Variants in PTPRN2 observed in about 807,000 individuals in gnomAD.
PTPRN2 encodes the protein protein tyrosine phosphatase receptor type N2.
In PTPRN2, 74 loss-of-function variants were observed where a neutral mutation model predicts 118.8. The observed-to-expected ratio is 0.62, with a 90% CI of 0.52 to 0.76. PTPRN2 has a LOEUF of 0.76. Among genes scored for constraint, PTPRN2 ranks in the 30% least tolerant of loss-of-function variants. The pLI, the probability that PTPRN2 is intolerant of heterozygous loss-of-function variation, is 0.00. For synonymous variants in PTPRN2, 641 were observed against 608.0 expected (o/e 1.05, Z -0.80); for missense variants, 1,481 against 1,394.4 (o/e 1.06, Z -0.99).
intron 2 of PTPRN2, among the ~76,000 whole-genome samples, chr7:158,390,749 C>T (rs1465107634): frequency 1.3e-5 from 2 of 152,262 alleles, no homozygotes; most frequent in East Asian, 1.9e-4. Flanking sequence ...CGATGTCTCC[C>T]AAGCCTTCTC....
intron 5 of PTPRN2, among the ~76,000 whole-genome samples, chr7:158,183,386 G>A (rs1248394340): frequency 6.6e-6 from 1 of 152,178 alleles, no homozygotes; most frequent in Admixed American, 6.5e-5. Context: ...GCAAAGCCAG[G>A]CTCCCAGATC....
chr7:157,776,467 C>A (rs1585435090), intron 12 of PTPRN2, among the ~76,000 whole-genome samples: 1 of 147,342 alleles, frequency 6.8e-6, no homozygotes, highest in Non-Finnish European at 1.5e-5. Context: ...TCCTCCCTCT[C>A]CTTCTCCCTC....
In PTPRN2 at chr7:157,922,327, G is replaced by C. The variant is rs750732306; in HGVS notation, c.1724-23590C>G. On this transcript the variant is annotated intron_variant, in intron 11 of 22. Coordinates refer to ENST00000389418, the MANE Select transcript of PTPRN2 (RefSeq NM_002847.5). ...TTGCAGAAGGAAGTCTTTCCTGGGC[G>C]ATGGGGCCAGCACTGCATCCTGACT... is the stretch of plus-strand genomic sequence containing the variant. Among the ~76,000 whole-genome samples the C allele has an allele frequency of 3.3e-5, 5 of 152,262 alleles. No homozygotes were observed. The South Asian group carries it at 1.0e-3, about 32-fold the overall frequency.
chr7:158,140,353 C>T (rs932984741), intron 6 of PTPRN2, among the ~76,000 whole-genome samples: 2 of 152,168 alleles, frequency 1.3e-5, no homozygotes, highest in African/African-American at 2.4e-5. Flanking sequence ...AAATTGGACT[C>T]GTAAGTATTT....
chr7:157,897,271 T>C (rs557219915), intron 12 of PTPRN2, among the ~76,000 whole-genome samples: 95 of 152,256 alleles, frequency 6.2e-4, no homozygotes, highest in African/African-American at 2.2e-3. Context: ...ATCTTCCACA[T>C]GCAGGAGACT....
chr7:158,314,395 T>C (rs1477386385), intron 3 of PTPRN2, among the ~76,000 whole-genome samples: 1 of 152,248 alleles, frequency 6.6e-6, no homozygotes, highest in Admixed American at 6.5e-5. Flanking sequence ...CAGTTGAATA[T>C]TTACACAACC....
intron 1 of PTPRN2, among the ~76,000 whole-genome samples, chr7:158,500,292 T>G (rs916746086): frequency 6.6e-6 from 1 of 152,244 alleles, no homozygotes; most frequent in African/African-American, 2.4e-5. Context: ...ACTGACACTT[T>G]AGGAGGATAG....
chr7:158,445,650 A>G (rs1341695842), intron 2 of PTPRN2, among the ~76,000 whole-genome samples: 2 of 152,212 alleles, frequency 1.3e-5, no homozygotes, highest in African/African-American at 4.8e-5. Flanking sequence ...GGCTGAACGC[A>G]GACAGCCGCC....
At chr7:158,245,663 A>C (rs992644770) in intron 3 of PTPRN2, among the ~76,000 whole-genome samples, 1 of 152,166 alleles carries the variant, frequency 6.6e-6, no homozygotes, top group African/African-American at 2.4e-5. Flanking sequence ...CTGCACATCC[A>C]AATTCGCATG....
chr7:157,739,243 T>TCTGAATTGCCC (rs1305850642), intron 12 of PTPRN2: 1 of 152,216 alleles, frequency 6.6e-6, no homozygotes, highest in Non-Finnish European at 1.5e-5. Context: ...ACTTCATGCC[T>TCTGAATTGCCC]CTGAATTGCC....
chr7:157,549,122 T>G, intron 21 of PTPRN2, 103 bp from the exon 22 acceptor site: 1 of 1,124,244 alleles, frequency 8.9e-7, no homozygotes, highest in East Asian at 2.4e-5. Flanking sequence ...GAGAGGCCAA[T>G]TGAAAATTAT....
chr7:158,126,068 C>A (rs548549612), intron 9 of PTPRN2, among the ~76,000 whole-genome samples: 3 of 136,106 alleles, frequency 2.2e-5, no homozygotes, highest in Admixed American at 7.3e-5. Flanking sequence ...GGACAGCGGG[C>A]GGCGGAACTT....
At position 158,445,187 on chromosome 7, in the gene PTPRN2, C is replaced by T. The variant is rs569698143; in HGVS notation, c.163+44548G>A. Among the ~76,000 whole-genome samples, 202 of 152,370 alleles carry T rather than the reference C, an allele frequency of 1.3e-3. 1 individual carries two copies. The highest frequency in any genetic ancestry group is 3.4e-3 in the Middle Eastern group (1 of 294). The stretch of plus-strand genomic sequence containing the variant: ...GGCCCTGGGTGACACAGCCCCTCAG[C>T]CCCACTGCCCTGTCCCCGAGGCTGG... On this transcript the variant is annotated intron_variant, in intron 2 of 22. Transcript: ENST00000389418.
intron 2 of PTPRN2, among the ~76,000 whole-genome samples, chr7:158,418,401 C>T (rs1241028488): frequency 6.6e-6 from 1 of 150,632 alleles, no homozygotes; most frequent in South Asian, 2.1e-4. Flanking sequence ...CTCTCAGTGT[C>T]CCACTGTGTT....
In PTPRN2 at chr7:157,764,322, C is replaced by T. The variant is rs1016829953; in HGVS notation, c.1789-81385G>A. 1.3e-5 allele frequency among the ~76,000 whole-genome samples: 2 copies of T among 152,182 alleles called. No homozygotes were observed. Among genetic ancestry groups the T allele is most frequent in the African/African-American group, 4.8e-5 (2 of 41,440 alleles). On this transcript the variant is annotated intron_variant, in intron 12 of 22. Transcript: ENST00000389418. This position sits in a 1 kb window ranked among gnomAD's most constrained non-coding sequence, Gnocchi z 4.5. Reference sequence around the variant, plus strand: ...CGCTCACAGAAGCCAAGAGGTGAGGCCACCCAAGCGTCCACCAATGGAAGA... The same window carrying T: ...CGCTCACAGAAGCCAAGAGGTGAGGTCACCCAAGCGTCCACCAATGGAAGA...
chr7:158,409,804 G>C (rs780422478), intron 2 of PTPRN2, among the ~76,000 whole-genome samples: 9 of 152,222 alleles, frequency 5.9e-5, no homozygotes, highest in African/African-American at 1.2e-4. Context: ...CTGTCCTGCA[G>C]AATCTGGCAA....
rs780623365 is a variant in PTPRN2, at chr7:157,615,507, G to A, written c.2344+5855C>T. 1.5e-5 allele frequency: 7 copies of A among 471,096 alleles called. No homozygotes were observed. Among genetic ancestry groups the A allele is most frequent in the South Asian group, 1.1e-4 (7 of 64,576 alleles). The allele number at this position is 471,096 out of a possible 1,614,324, so 29.2% of individuals were successfully genotyped here. Reference sequence around the variant, plus strand: ...CTTTGCCAATATGCTCGGGACCTGGGGACGGCTGGGGTGACCCCATCGCAA... The same window carrying A: ...CTTTGCCAATATGCTCGGGACCTGGAGACGGCTGGGGTGACCCCATCGCAA... On this transcript the variant is annotated intron_variant, in intron 15 of 22. Coordinates refer to ENST00000389418, the MANE Select transcript of PTPRN2 (RefSeq NM_002847.5). The surrounding 1 kb of genome is among the most constrained non-coding windows in gnomAD (Gnocchi z 4.3).
chr7:158,278,404 G>A (rs912456716), intron 3 of PTPRN2, among the ~76,000 whole-genome samples: 2 of 147,128 alleles, frequency 1.4e-5, no homozygotes, highest in African/African-American at 5.4e-5. Flanking sequence ...TCCCAGCTAC[G>A]CGGGAGGCTG....
At chr7:158,041,598 A>G (rs539210846) in intron 11 of PTPRN2, among the ~76,000 whole-genome samples, 1 of 152,314 alleles carries the variant, frequency 6.6e-6, no homozygotes, top group East Asian at 1.9e-4. Context: ...AGATCTTGCC[A>G]CTGCACTCCA....
Sources: allele counts gnomAD v4.1 joint callset (sites outside exome capture counted in the v4.1 genomes callset), GRCh38; gene constraint gnomAD v4.1.1; non-coding constraint Gnocchi (gnomAD v3.1); transcripts MANE v1.5; gene names NCBI Gene and HGNC (gene_info 2026-07-23, HGNC 2026-07-21).